Variants in DPP6 observed in about 807,000 individuals in gnomAD.
The protein encoded by DPP6 is dipeptidyl peptidase like 6.
Under a neutral mutation model 122.6 loss-of-function variants are expected in DPP6, and 69 were observed. The ratio of observed to expected loss-of-function variants is 0.56; its 90% CI spans 0.46 to 0.69. DPP6 has a LOEUF of 0.69. DPP6 is among the 30% of genes least tolerant of loss of function. DPP6 has a pLI of 0.00. For synonymous variants in DPP6, 418 were observed against 433.1 expected (o/e 0.97, Z 0.43); for missense variants, 928 against 1,116.9 (o/e 0.83, Z 2.41).
At chr7:154,182,444 G>A (rs984651665) in intron 1 of DPP6, among the ~76,000 whole-genome samples, 2 of 152,056 alleles carry the variant, frequency 1.3e-5, no homozygotes, top group African/African-American at 2.4e-5. Context: ...GTTTTATGTC[G>A]GGGCTGTTCA....
rs376418200 is a variant in DPP6 at position 154,491,712 on chromosome 7, A to T, written c.457+16675A>T. On this transcript the variant is annotated intron_variant, in intron 3 of 25. Coordinates refer to ENST00000377770, the MANE Select transcript of DPP6 (RefSeq NM_130797.4). ...AGATGGCCCAGCATGGTCATTTTCT[A>T]ATTTTTATGGAGGGACTTGAATTTG... 3.9e-5 allele frequency among the ~76,000 whole-genome samples: 6 copies of T among 152,164 alleles called. No homozygotes were observed. In the East Asian group the frequency reaches 5.8e-4, roughly 15 times the overall value.
intron 1 of DPP6, among the ~76,000 whole-genome samples, chr7:153,920,563 C>CTCTTTTTTTT (rs1163238891): frequency 1.1e-5 from 1 of 88,686 alleles, no homozygotes; most frequent in African/African-American, 4.6e-5. Flanking sequence ...TTATCTCTCT[C>CTCTTTTTTTT]TTTTTTTTTT....
intron 1 of DPP6, among the ~76,000 whole-genome samples, chr7:154,207,795 AT>A (rs900174220): frequency 1.3e-5 from 2 of 152,102 alleles, no homozygotes; most frequent in South Asian, 4.1e-4. Context: ...AGAAGAAATA[AT>A]TTTTTTAACG....
rs577730602 is a variant in DPP6, at chr7:154,877,469, CAG to C, written c.2078+1370_2078+1371del. Among the ~76,000 whole-genome samples, 253 of 152,156 alleles carry C rather than the reference CAG, an allele frequency of 1.7e-3. 1 individual carries two copies. Among genetic ancestry groups the C allele is most frequent in the African/African-American group, 5.9e-3 (243 of 41,500 alleles). On this transcript the variant is annotated intron_variant, in intron 20 of 25. Transcript: ENST00000377770. The surrounding 1 kb of genome is among the most constrained non-coding windows in gnomAD (Gnocchi z 5.2). ...GGAACTATATTGGCTACAAAAGACA[CAG>C]GGATGTCAGGTCTCAAGGTTGATGA...
At chr7:154,835,761 A>G (rs192877051) in intron 16 of DPP6, among the ~76,000 whole-genome samples, 3 of 152,300 alleles carry the variant, frequency 2.0e-5, no homozygotes, top group Admixed American at 2.0e-4. Flanking sequence ...CTTTGCTTCC[A>G]AGACACACTT....
intron 1 of DPP6, among the ~76,000 whole-genome samples, chr7:154,236,576 A>G (rs1801227349): frequency 6.6e-6 from 1 of 152,168 alleles, no homozygotes; most frequent in Admixed American, 6.5e-5. Flanking sequence ...TAGGGAAGAT[A>G]TAGCCGTTTA....
At chr7:154,734,322 T>C (rs560264412) in intron 8 of DPP6, among the ~76,000 whole-genome samples, 2 of 152,332 alleles carry the variant, frequency 1.3e-5, no homozygotes, top group Non-Finnish European at 2.9e-5. Flanking sequence ...GAGACTGATA[T>C]GTGAGGTGCT....
chr7:154,448,502 C>T (rs1201620762), intron 2 of DPP6, among the ~76,000 whole-genome samples: 1 of 152,026 alleles, frequency 6.6e-6, no homozygotes, highest in East Asian at 1.9e-4. Flanking sequence ...GACAATACTC[C>T]CTAAACTGAT....
At chr7:154,805,615 CT>C (rs1185181322) in intron 15 of DPP6, among the ~76,000 whole-genome samples, 1 of 152,250 alleles carries the variant, frequency 6.6e-6, no homozygotes, top group Non-Finnish European at 1.5e-5. Context: ...AACTGTGCGA[CT>C]TTGGACAAGT....
the DPP6 span, among the ~76,000 whole-genome samples, chr7:153,778,665 C>T: frequency 6.6e-6 from 1 of 151,934 alleles, no homozygotes; most frequent in Non-Finnish European, 1.5e-5. Context: ...TGTTACCAAT[C>T]CCCTCCCCTC....
At chr7:153,965,464 C>T (rs1795651572) in intron 1 of DPP6, among the ~76,000 whole-genome samples, 1 of 152,164 alleles carries the variant, frequency 6.6e-6, no homozygotes, top group Non-Finnish European at 1.5e-5. Flanking sequence ...AGCTTAGTTT[C>T]ATCAGGCTGT....
intron 1 of DPP6, among the ~76,000 whole-genome samples, chr7:154,054,526 T>G (rs1036769155): frequency 6.6e-6 from 1 of 152,212 alleles, no homozygotes; most frequent in African/African-American, 2.4e-5. Context: ...AGATTTTGCA[T>G]GAGGTTTTGT....
intron 1 of DPP6, among the ~76,000 whole-genome samples, chr7:154,301,786 CTTTTTTTTTTTTT>C (rs869114137): frequency 3.3e-5 from 4 of 119,810 alleles, no homozygotes; most frequent in Non-Finnish European, 6.9e-5. Context: ...GATCTGCCCT[CTTTTTTTTTTTTT>C]TTTTTTTTTT....
At chr7:154,371,651 C>T (rs1028156461) in intron 1 of DPP6, among the ~76,000 whole-genome samples, 3 of 152,032 alleles carry the variant, frequency 2.0e-5, no homozygotes, top group South Asian at 2.1e-4. Context: ...GCCTCTAGAG[C>T]GATTCCTCCC....
chr7:154,640,118 G>A (rs1271237075), intron 6 of DPP6, among the ~76,000 whole-genome samples: 1 of 152,118 alleles, frequency 6.6e-6, no homozygotes, highest in East Asian at 1.9e-4. Context: ...CAGGCATGGT[G>A]GTGCACACCT....
At chr7:153,813,246 A>T in the DPP6 span, among the ~76,000 whole-genome samples, 1 of 138,046 alleles carries the variant, frequency 7.2e-6, no homozygotes, top group African/African-American at 2.8e-5. Flanking sequence ...CTCATTGTTC[A>T]GTTCCCACCT....
intron 4 of DPP6, among the ~76,000 whole-genome samples, chr7:154,561,338 C>T (rs1053316300): frequency 2.0e-5 from 3 of 152,118 alleles, no homozygotes; most frequent in Admixed American, 2.0e-4. Flanking sequence ...CCAGAGTAGA[C>T]TATATGCTGG....
chr7:154,151,829 G>A (rs1435349426), intron 1 of DPP6, among the ~76,000 whole-genome samples: 1 of 151,820 alleles, frequency 6.6e-6, no homozygotes, highest in East Asian at 1.9e-4. Flanking sequence ...CTGCTTCTGG[G>A]GAACCTGACC....
intron 5 of DPP6, among the ~76,000 whole-genome samples, chr7:154,575,174 G>A (rs1831483071): frequency 7.7e-6 from 1 of 129,582 alleles, no homozygotes; most frequent in Non-Finnish European, 1.6e-5. Flanking sequence ...ATGTGTGTGG[G>A]GGGGTATATG....
Sources: gnomAD v4.1 joint callset for allele counts (sites outside exome capture counted in the v4.1 genomes callset) on GRCh38, gnomAD v4.1.1 for gene constraint, Gnocchi (gnomAD v3.1) non-coding constraint, MANE v1.5 for transcripts, NCBI Gene and HGNC (gene_info 2026-07-23, HGNC 2026-07-21) for gene names.